CARS1: variants seen among roughly 807,000 people sequenced by gnomAD.
The protein encoded by CARS1 is cysteinyl-tRNA synthetase 1, also known as cysteine--tRNA ligase, cytoplasmic.
Under a neutral mutation model 106.2 loss-of-function variants are expected in CARS1, and 48 were observed. That is an observed-to-expected ratio of 0.45 (90% CI 0.36 to 0.57). The LOEUF is 0.57. Ranked by LOEUF, CARS1 falls within the 20% of genes least tolerant of loss-of-function variation. The pLI is 0.00. For missense variants in CARS1, 968 were observed against 1,057.2 expected, an observed-to-expected ratio of 0.92 and a Z score of 1.17; for synonymous variants, 409 against 403.4, an observed-to-expected ratio of 1.01 and a Z score of -0.17.
At chr11:3,009,507 G>C (rs554269966) in intron 18 of CARS1, 1 of 152,272 alleles carries the variant, frequency 6.6e-6, no homozygotes, top group Non-Finnish European at 1.5e-5. Context: ...GGAGATGGAC[G>C]GTGGCGGCTG....
In CARS1 at chr11:3,017,573, G is replaced by A. The variant is rs1408919252; in HGVS notation, c.1728-278C>T. 3.6e-6 allele frequency: 2 copies of A among 554,622 alleles called. No homozygotes were observed. The highest frequency in any genetic ancestry group is 2.9e-5 in the East Asian group (1 of 34,098). The allele number at this position is 554,622 out of a possible 1,614,324, so 34.4% of individuals were successfully genotyped here. On this transcript the variant is annotated intron_variant, in intron 15 of 22. Coordinates refer to ENST00000380525, the MANE Select transcript of CARS1 (RefSeq NM_001014437.3). This position sits in a 1 kb window ranked among gnomAD's most constrained non-coding sequence, Gnocchi z 4.9. ...CAGGAGAATCGCTCGAACCCGGGAG[G>A]TGGAGGTTGTGGTGAGCCGAGATCA...
intron 7 of CARS1, among the ~76,000 whole-genome samples, chr11:3,031,927 A>G (rs1170952861): frequency 6.6e-6 from 1 of 152,018 alleles, no homozygotes. Flanking sequence ...TGTTTCCAAT[A>G]GCAAGAAGGG....
At position 3,002,067 on chromosome 11, in the gene CARS1, C is replaced by A. The variant is rs1691556850; in HGVS notation, c.2278-14G>T. ...CAGCTTTGCTGCCTAGAACACGCAA[C>A]ACGGCACAGTCACTGCCCCCGAGCA... On this transcript the variant is annotated splice_polypyrimidine_tract_variant and intron_variant, in intron 21 of 22. Transcript: ENST00000380525. 6.3e-7 allele frequency: 1 copy of A among 1,590,442 alleles called. No individual in the cohort carries two copies.
chr11:3,015,475 G>A (rs1850894372), intron 17 of CARS1, among the ~76,000 whole-genome samples: 1 of 152,268 alleles, frequency 6.6e-6, no homozygotes, highest in African/African-American at 2.4e-5. Context: ...ATGATGCCAA[G>A]TGGCCGCAGC....
chr11:3,005,491 G>A (rs1247313976), intron 19 of CARS1, 58 bp from the exon 20 acceptor site: 1 of 1,390,898 alleles, frequency 7.2e-7, no homozygotes, highest in Non-Finnish European at 1.0e-6. Flanking sequence ...CCCCACTGCG[G>A]GGCCAGCCCT....
chr11:3,053,225 T>C lies in CARS1; in HGVS notation c.25+4118A>G, dbSNP rs967396615. Among the ~76,000 whole-genome samples, 2 of 152,026 alleles carry C rather than the reference T, an allele frequency of 1.3e-5. No homozygotes were observed. The highest frequency in any genetic ancestry group is 4.8e-5 in the African/African-American group (2 of 41,434). ...GCATTTATTTTTTATTTATTTTTAT[T>C]TTATTTTATTTTATTTTATTTTTTG... is the stretch of plus-strand genomic sequence containing the variant. On this transcript the variant is annotated intron_variant, in intron 1 of 22. Coordinates refer to ENST00000380525, the MANE Select transcript of CARS1 (RefSeq NM_001014437.3). This position sits in a 1 kb window ranked among gnomAD's most constrained non-coding sequence, Gnocchi z 6.6.
chr11:3,029,207 T>C lies in CARS1; in HGVS notation c.942+96A>G. 6.7e-7 allele frequency: 1 copy of C among 1,494,078 alleles called. No homozygotes were observed. The highest frequency in any genetic ancestry group is 1.1e-5 in the South Asian group (1 of 87,452). The allele number at this position is 1,494,078 out of a possible 1,614,324, so 92.6% of individuals were successfully genotyped here. On this transcript the variant is annotated intron_variant, in intron 8 of 22. Coordinates refer to ENST00000380525, the MANE Select transcript of CARS1 (RefSeq NM_001014437.3). The surrounding 1 kb of genome is among the most constrained non-coding windows in gnomAD (Gnocchi z 5.9). ...CCCTCAACTCAAGTTCAATGTTGACTTGGCCGCTTAATTGAGCTGGCCTTG... is the reference window on the plus strand; with the variant it reads ...CCCTCAACTCAAGTTCAATGTTGACCTGGCCGCTTAATTGAGCTGGCCTTG...
intron 19 of CARS1, among the ~76,000 whole-genome samples, chr11:3,005,679 C>CTGGA (rs1348146981): frequency 5.6e-5 from 8 of 143,398 alleles, no homozygotes; most frequent in Non-Finnish European, 1.0e-4. Flanking sequence ...GTCATCCAGG[C>CTGGA]TGGAGTGCAG....
At chr11:3,023,079 T>C (rs1851724095) in intron 10 of CARS1, among the ~76,000 whole-genome samples, 1 of 152,140 alleles carries the variant, frequency 6.6e-6, no homozygotes. Flanking sequence ...CTGAAGTCAT[T>C]CTGGAAGAAA....
In CARS1 at chr11:3,020,743, G is replaced by A. The variant is rs1034765714; in HGVS notation, c.1154-411C>T. On this transcript the variant is annotated intron_variant, in intron 10 of 22. Coordinates refer to ENST00000380525, the MANE Select transcript of CARS1 (RefSeq NM_001014437.3). This position sits in a 1 kb window ranked among gnomAD's most constrained non-coding sequence, Gnocchi z 4.6. ...CTCAGGGATCCTGCCTGGTTCATGCGGGTGGGGTCAATATGTCAAGGGCCC... is the reference window on the plus strand; with the variant it reads ...CTCAGGGATCCTGCCTGGTTCATGCAGGTGGGGTCAATATGTCAAGGGCCC... 2.0e-5 allele frequency among the ~76,000 whole-genome samples: 3 copies of A among 152,330 alleles called. No homozygotes were observed. Among genetic ancestry groups the A allele is most frequent in the South Asian group, 2.1e-4 (1 of 4,828 alleles).
intron 16 of CARS1, among the ~76,000 whole-genome samples, chr11:3,016,396 ATTT>A (rs763415577): frequency 2.7e-4 from 41 of 150,846 alleles, no homozygotes; most frequent in Admixed American, 1.1e-3. Context: ...AGTTTTTTGT[ATTT>A]TTTTTAGTAG....
intron 17 of CARS1, 140 bp downstream of exon 17, chr11:3,015,641 A>C: frequency 1.4e-6 from 1 of 734,212 alleles, no homozygotes; most frequent in Non-Finnish European, 2.4e-6. Flanking sequence ...CAGAGCCAGA[A>C]TTGCCATTTA....
Position 3,048,030 on chromosome 11 carries a change from G to T in CARS1, c.26-29C>A. 2 of 1,602,734 alleles carry T rather than the reference G, an allele frequency of 1.2e-6. No individual in the cohort carries two copies. Among genetic ancestry groups the T allele is most frequent in the African/African-American group, 1.3e-5 (1 of 74,874 alleles). The stretch of plus-strand genomic sequence containing the variant: ...CAAAGACAGAGGGCACATGGTGTCA[G>T]GCAGGCAGGCGGGCAGCCCAGAGGC... On this transcript the variant is annotated intron_variant, in intron 1 of 22. Transcript: ENST00000380525. The surrounding 1 kb of genome is among the most constrained non-coding windows in gnomAD (Gnocchi z 5.1).
rs1170201796 is a variant in CARS1 at position 3,053,783 on chromosome 11, C to A, written c.25+3560G>T. On this transcript the variant is annotated intron_variant, in intron 1 of 22. Coordinates refer to ENST00000380525, the MANE Select transcript of CARS1 (RefSeq NM_001014437.3). This position sits in a 1 kb window ranked among gnomAD's most constrained non-coding sequence, Gnocchi z 6.6. Reference sequence around the variant, plus strand: ...TGCTAAAATGCAGACCCCTTTACAGCAGGTCTGAGCTCCTAATAAGTGCCC... The same window carrying A: ...TGCTAAAATGCAGACCCCTTTACAGAAGGTCTGAGCTCCTAATAAGTGCCC... Among the ~76,000 whole-genome samples the A allele has an allele frequency of 6.6e-6, 1 of 152,186 alleles. No homozygotes were observed. The highest frequency in any genetic ancestry group is 1.5e-5 in the Non-Finnish European group (1 of 68,040).
rs1311554436 is a variant in CARS1, at chr11:3,034,217, TG to T, written c.801+3832del. ...GTTCTTTTTTTTGTTTTCTGTTTTT[TG>T]TTTTGTTTTGTTTTGTTTTTTTGAG... On this transcript the variant is annotated intron_variant, in intron 7 of 22. Coordinates refer to ENST00000380525, the MANE Select transcript of CARS1 (RefSeq NM_001014437.3). This position sits in a 1 kb window ranked among gnomAD's most constrained non-coding sequence, Gnocchi z 6.3. Among the ~76,000 whole-genome samples, 3 of 130,148 alleles carry T rather than the reference TG, an allele frequency of 2.3e-5. No individual in the cohort carries two copies. Among genetic ancestry groups the T allele is most frequent in the Non-Finnish European group, 3.5e-5 (2 of 56,614 alleles). The allele number at this position is 130,148 out of a possible 152,430, so 85.4% of individuals were successfully genotyped here. A position where few individuals can be genotyped will look rare whatever the true frequency, so the allele number is the denominator to read the frequency against.
Position 3,040,025 on chromosome 11 carries a change from A to G in CARS1, c.456-94T>C. On this transcript the variant is annotated intron_variant, in intron 4 of 22. Transcript: ENST00000380525. The surrounding 1 kb of genome is among the most constrained non-coding windows in gnomAD (Gnocchi z 5.8). Reference sequence around the variant, plus strand: ...GTTTGAACTGCATGAGTGCATTTATATATGATTTTCTCTGCCATCCCTGAA... The same window carrying G: ...GTTTGAACTGCATGAGTGCATTTATGTATGATTTTCTCTGCCATCCCTGAA... 9.3e-6 allele frequency: 6 copies of G among 646,426 alleles called. No homozygotes were observed. The highest frequency in any genetic ancestry group is 2.5e-4 in the Middle Eastern group (1 of 4,032). The allele number at this position is 646,426 out of a possible 1,614,324, so 40.0% of individuals were successfully genotyped here.
In CARS1 at chr11:3,006,915, G is replaced by A. The variant is rs1323753570; in HGVS notation, c.2113C>T (p.Leu705=). The change falls in exon 19 of 23, where the codon CTG becomes TTG. Residue 705 remains leucine (L), a synonymous_variant. Transcript: ENST00000380525. ...QLSDALRDNI[L]PELGVRFEDH... ...TCAAACCGCACCCCAAGCTCGGGCA[G>A]GATGTTGTCCCGCAGGGCATCGCTG... is the stretch of plus-strand genomic sequence containing the variant. 6.2e-7 allele frequency: 1 copy of A among 1,614,124 alleles called. No individual in the cohort carries two copies. The highest frequency in any genetic ancestry group is 1.1e-5 in the South Asian group (1 of 91,090).
intron 18 of CARS1, among the ~76,000 whole-genome samples, chr11:3,010,101 A>C (rs796911646): frequency 4.6e-5 from 7 of 152,350 alleles, no homozygotes; most frequent in African/African-American, 1.7e-4. Flanking sequence ...AAAAGTGAAA[A>C]GCAAACAGAA....
At chr11:3,014,763 T>C (rs1355862456) in intron 17 of CARS1, among the ~76,000 whole-genome samples, 1 of 152,246 alleles carries the variant, frequency 6.6e-6, no homozygotes, top group Admixed American at 6.5e-5. Context: ...ACCAGGCACA[T>C]GGGCTAGGTG....
Sources: gnomAD v4.1 joint callset for allele counts (sites outside exome capture counted in the v4.1 genomes callset) on GRCh38, gnomAD v4.1.1 for gene constraint, Gnocchi (gnomAD v3.1) non-coding constraint, MANE v1.5 for transcripts, NCBI Gene and HGNC (gene_info 2026-07-23, HGNC 2026-07-21) for gene names.